BBS10: variants seen among roughly 807,000 people sequenced by gnomAD.
BBS10 encodes BBSome complex assembly protein BBS10.
Under a neutral mutation model 12.7 loss-of-function variants are expected in BBS10, and 13 were observed. The observed-to-expected ratio is 1.03, with a 90% confidence interval of 0.67 to 1.63. The LOEUF (loss-of-function observed/expected upper bound fraction) is 1.63. Ranked by LOEUF, BBS10 falls within the 40% of genes most tolerant of loss-of-function variation. BBS10 has a pLI of 0.00. For synonymous variants in BBS10, 294 were observed against 304.8 expected, an observed-to-expected ratio of 0.96 and a Z score of 0.37; for missense variants, 858 against 858.0, an observed-to-expected ratio of 1.00 and a Z score of 0.00.
chr12:76,348,082 A>G, intron 1 of BBS10, 80 bp downstream of exon 1: 1 of 1,468,816 alleles, frequency 6.8e-7, no homozygotes, highest in African/African-American at 1.4e-5. Context: ...CTAAGTACGC[A>G]TCGCCTCAGG....
In BBS10 at chr12:76,347,291, C is replaced by G; in HGVS notation, c.694G>C (p.Asp232His). 1 of 1,613,862 alleles carries G rather than the reference C, an allele frequency of 6.2e-7. No individual in the cohort carries two copies. Among genetic ancestry groups the G allele is most frequent in the Non-Finnish European group, 8.5e-7 (1 of 1,180,030 alleles). The stretch of plus-strand genomic sequence containing the variant: ...ACAAGACCAGCTATGATCCTGGAAT[C>G]TGAAACAGGAAGGCCAGTGACACCA... ...NVGVTGLPVS[D>H]SRIIAGLVLQ... The change falls in exon 2 of 2, where the codon GAT becomes CAT. Residue 232 changes from aspartate to histidine, a missense_variant. Transcript: ENST00000650064.
chr12:76,346,926 T>C lies in BBS10; in HGVS notation c.1059A>G (p.Pro353=), dbSNP rs2136090643. ...RRIIGLSPFV[P]PQAFSQCEIP... is the part of the protein sequence containing the mutation. ...TTTCACACTGCGAAAAGGCCTGTGG[T>C]GGTACAAATGGAGAAAGACCAATGA... Residue 353 remains proline (P), a synonymous_variant, in exon 2 of 2, where the codon CCA becomes CCG. Transcript: ENST00000650064. 1 of 1,611,816 alleles carries C rather than the reference T, an allele frequency of 6.2e-7. No homozygotes were observed. Among genetic ancestry groups the C allele is most frequent in the Middle Eastern group, 1.6e-4 (1 of 6,062 alleles).
In BBS10 at chr12:76,348,314, C is replaced by A; in HGVS notation, c.45G>T (p.Leu15Phe). 1.2e-6 allele frequency: 2 copies of A among 1,610,140 alleles called. No individual in the cohort carries two copies. Among genetic ancestry groups the A allele is most frequent in the Non-Finnish European group, 1.7e-6 (2 of 1,178,210 alleles). ...MAAAGSVKAALQVAEVLEAIV... is the reference protein window; with the variant it reads ...MAAAGSVKAAFQVAEVLEAIV... Reference sequence around the variant, plus strand: ...TGGCTTCCAGCACCTCGGCCACCTGCAACGCCGCCTTCACAGACCCTGCAG... The same window carrying A: ...TGGCTTCCAGCACCTCGGCCACCTGAAACGCCGCCTTCACAGACCCTGCAG... Residue 15 changes from leucine to phenylalanine, a missense_variant, in exon 1 of 2, where the codon TTG becomes TTT. Coordinates refer to ENST00000650064, the MANE Select transcript of BBS10 (RefSeq NM_024685.4).
rs566082487 is a variant in BBS10 at position 76,345,444 on chromosome 12, G to A, written c.*369C>T. ...AGCCCACCCAAATCAGAGATTAAAT[G>A]ATTCTATGAACTAAACATGTAACGA... On this transcript the variant is annotated 3_prime_UTR_variant, in exon 2 of 2. Transcript: ENST00000650064. 2.9e-4 allele frequency: 54 copies of A among 189,164 alleles called. 1 individual carries two copies. In the East Asian group the frequency reaches 6.5e-3, roughly 23 times the overall value. 11.7% of individuals were successfully genotyped at this position (189,164 alleles called of 1,614,324 possible).
rs746527914 is a variant in BBS10, at chr12:76,347,793, C to T, written c.198-6G>A. On this transcript the variant is annotated splice_polypyrimidine_tract_variant and splice_region_variant and intron_variant, in intron 1 of 1. Coordinates refer to ENST00000650064, the MANE Select transcript of BBS10 (RefSeq NM_024685.4). ...AAACACAGTCCACTATCATCCTGTACAAAAAAGAAATAAAGCAACTCATTT... is the reference window on the plus strand; with the variant it reads ...AAACACAGTCCACTATCATCCTGTATAAAAAAGAAATAAAGCAACTCATTT... The T allele has an allele frequency of 6.3e-7, 1 of 1,599,154 alleles. No homozygotes were observed. Among genetic ancestry groups the T allele is most frequent in the Non-Finnish European group, 8.5e-7 (1 of 1,179,432 alleles).
In BBS10 at chr12:76,347,528, A is replaced by T. The variant is rs1565810126; in HGVS notation, c.457T>A (p.Phe153Ile). The T allele has an allele frequency of 6.2e-7, 1 of 1,613,810 alleles. No homozygotes were observed. Among genetic ancestry groups the T allele is most frequent in the Non-Finnish European group, 8.5e-7 (1 of 1,180,002 alleles). ...GIMDQYLSRH[F>I]LSIFSSAKER... Reference sequence around the variant, plus strand: ...TTAGCAGACGAAAAGATAGACAAAAAGTGTCTACTTAGGTACTGGTCCATA... The same window carrying T: ...TTAGCAGACGAAAAGATAGACAAAATGTGTCTACTTAGGTACTGGTCCATA... Residue 153 changes from phenylalanine (F) to isoleucine (I), a missense_variant, in exon 2 of 2, where the codon TTT becomes ATT. Phe to Ile is a conservative substitution (Grantham distance 21). Transcript: ENST00000650064.
In BBS10 at chr12:76,346,495, T is replaced by C. The variant is rs753629989; in HGVS notation, c.1490A>G (p.Asp497Gly). ...LKVHSNLVIPDVELETYIPYS... is the reference protein window; with the variant it reads ...LKVHSNLVIPGVELETYIPYS... ...CGGAATATATGTTTCTAATTCTACA[T>C]CTGGAATTACCAAATTAGAATGTAC... is the stretch of plus-strand genomic sequence containing the variant. The change falls in exon 2 of 2, where the codon GAT becomes GGT. Residue 497 changes from aspartate (D) to glycine (G), a missense_variant. Physicochemically the swap from Asp to Gly is moderately conservative, Grantham distance 94. Transcript: ENST00000650064. 4 of 1,614,070 alleles carry C rather than the reference T, an allele frequency of 2.5e-6. No homozygotes were observed. Among genetic ancestry groups the C allele is most frequent in the Non-Finnish European group, 3.4e-6 (4 of 1,179,920 alleles).
rs767638924 is a variant in BBS10, at chr12:76,347,759, G to A, written c.226C>T (p.Leu76Phe). The part of the protein sequence containing the change: ...RMIVDCVSSH[L>F]KKTGDGAKTF... ...TTTGCACCATCTCCTGTTTTTTTGA[G>A]ATGACTGGAAACACAGTCCACTATC... The change falls in exon 2 of 2, where the codon CTC becomes TTC. Residue 76 changes from leucine to phenylalanine, a missense_variant. Transcript: ENST00000650064. 5.6e-6 allele frequency: 9 copies of A among 1,602,206 alleles called. No individual in the cohort carries two copies. Among genetic ancestry groups the A allele is most frequent in the Admixed American group, 1.7e-5 (1 of 59,572 alleles).
chr12:76,346,385 T>A lies in BBS10; in HGVS notation c.1600A>T (p.Thr534Ser). The A allele has an allele frequency of 6.2e-7, 1 of 1,614,092 alleles. No individual in the cohort carries two copies. Among genetic ancestry groups the A allele is most frequent in the Non-Finnish European group, 8.5e-7 (1 of 1,179,920 alleles). ...TTGAGTAATGGTTCATAATAATCAGTTAGCCTGTTTCTTTCCAAAGACAAA... is the reference window on the plus strand; with the variant it reads ...TTGAGTAATGGTTCATAATAATCAGATAGCCTGTTTCTTTCCAAAGACAAA... ...TCLSLERNRL[T>S]DYYEPLLKNN... Residue 534 changes from threonine to serine, a missense_variant, in exon 2 of 2, where the codon ACT becomes TCT. Transcript: ENST00000650064.
At position 76,347,546 on chromosome 12, in the gene BBS10, G is replaced by A. The variant is rs199998327; in HGVS notation, c.439C>T (p.Gln147Ter). ...GACAAAAAGTGTCTACTTAGGTACTGGTCCATAATACCGTCTAATATTTGT... is the reference window on the plus strand; with the variant it reads ...GACAAAAAGTGTCTACTTAGGTACTAGTCCATAATACCGTCTAATATTTGT... The part of the protein sequence containing the change: ...QTQILDGIMD[Q>*]YLSRHFLSIF... Residue 147 changes from glutamine (Q) to a stop codon, truncating the protein, a stop_gained, in exon 2 of 2, where the codon CAG becomes TAG. Transcript: ENST00000650064. LOFTEE classifies it low-confidence loss of function (END_TRUNC). 2 of 1,613,610 alleles carry A rather than the reference G, an allele frequency of 1.2e-6. No homozygotes were observed. Among genetic ancestry groups the A allele is most frequent in the African/African-American group, 2.7e-5 (2 of 74,986 alleles).
Position 76,345,467 on chromosome 12 carries a change from C to T in BBS10, c.*346G>A, listed in dbSNP as rs927788978. On this transcript the variant is annotated 3_prime_UTR_variant, in exon 2 of 2. Transcript: ENST00000650064. ...ATGATTCTATGAACTAAACATGTAA[C>T]GATGAAGGAGGGCTGGAGTGAAAAA... 10 of 224,266 alleles carry T rather than the reference C, an allele frequency of 4.5e-5. No homozygotes were observed. The highest frequency in any genetic ancestry group is 2.0e-4 in the East Asian group (2 of 10,184). The allele number at this position is 224,266 out of a possible 1,614,324, so 13.9% of individuals were successfully genotyped here.
Position 76,347,530 on chromosome 12 carries a change from T to C in BBS10, c.455A>G (p.His152Arg), listed in dbSNP as rs761766570. The change falls in exon 2 of 2, where the codon CAC becomes CGC. Residue 152 changes from histidine (H) to arginine (R), a missense_variant. Coordinates refer to ENST00000650064, the MANE Select transcript of BBS10 (RefSeq NM_024685.4). Reference protein sequence around the residue: ...DGIMDQYLSRHFLSIFSSAKE... With the variant: ...DGIMDQYLSRRFLSIFSSAKE... ...AGCAGACGAAAAGATAGACAAAAAG[T>C]GTCTACTTAGGTACTGGTCCATAAT... 1.2e-6 allele frequency: 2 copies of C among 1,613,666 alleles called. No individual in the cohort carries two copies. Among genetic ancestry groups the C allele is most frequent in the Non-Finnish European group, 8.5e-7 (1 of 1,179,980 alleles).
Position 76,347,727 on chromosome 12 carries a change from A to T in BBS10, c.258T>A (p.Phe86Leu). 6.2e-7 allele frequency: 1 copy of T among 1,608,906 alleles called. No individual in the cohort carries two copies. Among genetic ancestry groups the T allele is most frequent in the Non-Finnish European group, 8.5e-7 (1 of 1,179,850 alleles). Residue 86 changes from phenylalanine to leucine, a missense_variant, in exon 2 of 2, where the codon TTT becomes TTA. Phe to Leu is a conservative substitution (Grantham distance 22). Transcript: ENST00000650064. ...LKKTGDGAKT[F>L]IIFLCHLLRG... The stretch of plus-strand genomic sequence containing the variant: ...TAAGCAAATGGCAAAGAAAGATAAT[A>T]AATGTTTTTGCACCATCTCCTGTTT...
rs748037727 is a variant in BBS10, at chr12:76,347,337, G to T, written c.648C>A (p.Asp216Glu). Residue 216 changes from aspartate (D) to glutamate (E), a missense_variant, in exon 2 of 2, where the codon GAC becomes GAA. By Grantham distance (45) the Asp-to-Glu change is conservative. Coordinates refer to ENST00000650064, the MANE Select transcript of BBS10 (RefSeq NM_024685.4). ...CACCAACATTCAACTCTACAAAATG[G>T]TCATCCACTAACTCAAATACACCAA... ...SGIGVFELVD[D>E]HFVELNVGVT... 10 of 1,613,720 alleles carry T rather than the reference G, an allele frequency of 6.2e-6. No individual in the cohort carries two copies. In the African/African-American group the frequency reaches 1.3e-4, roughly 22 times the overall value.
rs770239827 is a variant in BBS10 at position 76,346,558 on chromosome 12, T to C, written c.1427A>G (p.Asn476Ser). 1.9e-6 allele frequency: 3 copies of C among 1,614,018 alleles called. No homozygotes were observed. The African/African-American group carries it at 4.0e-5, about 22-fold the overall frequency. The change falls in exon 2 of 2, where the codon AAC (asparagine) becomes AGC (serine). Residue 476 changes from asparagine to serine, a missense_variant. Physicochemically the swap from Asn to Ser is conservative, Grantham distance 46 (BLOSUM62 1). Coordinates refer to ENST00000650064, the MANE Select transcript of BBS10 (RefSeq NM_024685.4). ...TTGAGTTTTTTCCAATGCATCTTTGTTCTCTGCAACTGTGTCCTGATAAGG... is the reference window on the plus strand; with the variant it reads ...TTGAGTTTTTTCCAATGCATCTTTGCTCTCTGCAACTGTGTCCTGATAAGG... ...QRPYQDTVAE[N>S]KDALEKTQTY...
Position 76,346,788 on chromosome 12 carries a change from A to G in BBS10, c.1197T>C (p.Leu399=), listed in dbSNP as rs974452621. The G allele has an allele frequency of 1.9e-6, 3 of 1,614,072 alleles. No individual in the cohort carries two copies. The highest frequency in any genetic ancestry group is 2.7e-5 in the African/African-American group (2 of 74,954). The part of the protein sequence containing the change: ...TCAFIPHSIV[L]CGPVHGLIEQ... Reference sequence around the variant, plus strand: ...CAATGAGACCATGCACTGGTCCACAAAGAACTATAGAGTGTGGTATAAATG... The same window carrying G: ...CAATGAGACCATGCACTGGTCCACAGAGAACTATAGAGTGTGGTATAAATG... Residue 399 remains leucine, a synonymous_variant, in exon 2 of 2, where the codon CTT becomes CTC. Coordinates refer to ENST00000650064, the MANE Select transcript of BBS10 (RefSeq NM_024685.4).
Position 76,346,304 on chromosome 12 carries a change from T to C in BBS10, c.1681A>G (p.Asn561Asp). ...RGNRIEISYE[N>D]LQVTNITRKG... ...CTAGTAATATTTGTGACCTGTAAAT[T>C]TTCGTAAGAAATTTCTATTCTATTT... Residue 561 changes from asparagine (N) to aspartate (D), a missense_variant, in exon 2 of 2, where the codon AAT becomes GAT. Transcript: ENST00000650064. 6.2e-7 allele frequency: 1 copy of C among 1,613,830 alleles called. No individual in the cohort carries two copies. The highest frequency in any genetic ancestry group is 8.5e-7 in the Non-Finnish European group (1 of 1,179,910).
Position 76,346,247 on chromosome 12 carries a change from A to G in BBS10, c.1738T>C (p.Leu580=). The change falls in exon 2 of 2, where the codon TTA becomes CTA. Residue 580 remains leucine (L), a synonymous_variant. Transcript: ENST00000650064. ...CTCTGGGAAGTACCCATATTCGGTA[A>G]CTTACAGCTCACTGGTAACATGCTT... is the stretch of plus-strand genomic sequence containing the variant. The part of the protein sequence containing the change: ...KGSMLPVSCK[L]PNMGTSQSYL... The G allele has an allele frequency of 1.2e-6, 2 of 1,612,014 alleles. No individual in the cohort carries two copies. The highest frequency in any genetic ancestry group is 8.5e-7 in the Non-Finnish European group (1 of 1,178,972).
chr12:76,348,183 T>G lies in BBS10; in HGVS notation c.176A>C (p.His59Pro). The G allele has an allele frequency of 6.2e-7, 1 of 1,612,842 alleles. No homozygotes were observed. ...GTACCTGGCTATGGGATGCTCTAAG[T>G]GTAGCGCCTCCAGGAGGCGGCCTCC... is the stretch of plus-strand genomic sequence containing the variant. ...RNGGRLLEALHLEHPIARMIV... is the reference protein window; with the variant it reads ...RNGGRLLEALPLEHPIARMIV... The change falls in exon 1 of 2, where the codon CAC becomes CCC. Residue 59 changes from histidine (H) to proline (P), a missense_variant. His to Pro is a moderately conservative substitution (Grantham distance 77). Transcript: ENST00000650064.
Sources: gnomAD v4.1 joint callset for allele counts on GRCh38, gnomAD v4.1.1 for gene constraint, MANE v1.5 for transcripts, NCBI Gene and HGNC (gene_info 2026-07-23, HGNC 2026-07-21) for gene names.